The following PDE1A variants were observed in gnomAD, a reference collection of about 807,000 sequenced individuals.
PDE1A encodes dual specificity calcium/calmodulin-dependent 3',5'-cyclic nucleotide phosphodiesterase 1A.
PDE1A carries 35 observed loss-of-function variants against 61.7 expected under a neutral mutation model. That is an observed-to-expected ratio of 0.57 (90% CI 0.43 to 0.75). The LOEUF (loss-of-function observed/expected upper bound fraction) is 0.75. PDE1A is among the 30% of genes least tolerant of loss of function. The pLI is 0.00. For synonymous variants in PDE1A, 232 were observed against 213.2 expected, an observed-to-expected ratio of 1.09 and a Z score of -0.77; for missense variants, 597 against 630.6, an observed-to-expected ratio of 0.95 and a Z score of 0.57.
Position 182,480,869 on chromosome 2 carries a change from G to A in PDE1A, c.101+41407C>T, listed in dbSNP as rs139256636. ...TATGCTTTAGGGAGGCTGCATTCAT[G>A]GAAGGGATATTTCCTCTCTTCCCTC... On this transcript the variant is annotated intron_variant, in intron 2 of 14. Transcript: ENST00000410103. 1.5e-3 allele frequency among the ~76,000 whole-genome samples: 232 copies of A among 151,990 alleles called. 1 individual carries two copies. Among genetic ancestry groups the A allele is most frequent in the African/African-American group, 5.4e-3 (226 of 41,528 alleles).
intron 1 of PDE1A, among the ~76,000 whole-genome samples, chr2:182,317,252 C>CT (rs34087191): frequency 0.015 from 2,174 of 142,586 alleles, 37 homozygotes; most frequent in African/African-American, 0.041. Context: ...TTCTCACAAA[C>CT]TTTTTTTTTT....
At chr2:182,361,769 G>A (rs556144254) in intron 1 of PDE1A, among the ~76,000 whole-genome samples, 1 of 151,874 alleles carries the variant, frequency 6.6e-6, no homozygotes, top group East Asian at 1.9e-4. Context: ...CACTTTTTTC[G>A]CACTTTTTAT....
chr2:182,522,700 A>C (rs1690643739), exon 1 of PDE1A: 836 of 1,062,440 alleles, frequency 7.9e-4, no homozygotes, highest in Middle Eastern at 1.3e-3. Flanking sequence ...AAAGCAGCTC[A>C]TCTGTTACTG....
chr2:182,263,551 G>A (rs1692383473), intron 2 of PDE1A, among the ~76,000 whole-genome samples: 1 of 152,078 alleles, frequency 6.6e-6, no homozygotes, highest in South Asian at 2.1e-4. Context: ...GGAAATGCAT[G>A]CCTCTCTCCC....
chr2:182,172,085 AC>A, intron 13 of PDE1A, among the ~76,000 whole-genome samples: 1 of 152,142 alleles, frequency 6.6e-6, no homozygotes, highest in Non-Finnish European at 1.5e-5. Context: ...AACAACCCTT[AC>A]ATTTAGTTTG....
At chr2:182,336,310 C>T (rs151203671) in intron 1 of PDE1A, among the ~76,000 whole-genome samples, 29 of 152,270 alleles carry the variant, frequency 1.9e-4, no homozygotes, top group African/African-American at 6.3e-4. Flanking sequence ...TATAAAGACA[C>T]ATGCACACAT....
chr2:182,199,101 A>G (rs1405030702), intron 10 of PDE1A, among the ~76,000 whole-genome samples: 1 of 151,958 alleles, frequency 6.6e-6, no homozygotes, highest in Admixed American at 6.6e-5. Context: ...AAAAATTTTG[A>G]CAATTTCATC....
At chr2:182,264,540 G>A in intron 1 of PDE1A, 126 bp from the exon 2 acceptor site, 1 of 609,774 alleles carries the variant, frequency 1.6e-6, no homozygotes, top group Non-Finnish European at 2.8e-6. Context: ...TCAACAAATA[G>A]CATTATTTTC....
chr2:182,181,733 T>C (rs1684775078), intron 13 of PDE1A, among the ~76,000 whole-genome samples: 1 of 152,170 alleles, frequency 6.6e-6, no homozygotes, highest in Admixed American at 6.6e-5. Flanking sequence ...TGTAAGCCCC[T>C]GACTGGAGCT....
chr2:182,689,002 A>T, the PDE1A span, among the ~76,000 whole-genome samples: 2 of 152,216 alleles, frequency 1.3e-5, no homozygotes, highest in African/African-American at 4.8e-5. Flanking sequence ...TATGCACCCA[A>T]TACAGGAGCA....
At chr2:182,697,883 G>A in the PDE1A span, among the ~76,000 whole-genome samples, 1 of 152,180 alleles carries the variant, frequency 6.6e-6, no homozygotes, top group Non-Finnish European at 1.5e-5. Flanking sequence ...GGGGAAAATA[G>A]ATGAGTGCTA....
the PDE1A span, among the ~76,000 whole-genome samples, chr2:182,632,129 A>C: frequency 1.3e-5 from 2 of 152,184 alleles, no homozygotes; most frequent in Non-Finnish European, 2.9e-5. Context: ...GAAAACCTTT[A>C]GGATACATAA....
chr2:182,186,205 C>G, intron 12 of PDE1A, 126 bp from the exon 13 acceptor site: 2 of 974,490 alleles, frequency 2.1e-6, no homozygotes, highest in Admixed American at 2.8e-5. Context: ...CAGTTCTGAG[C>G]ACGTGGCAGC....
chr2:182,430,588 C>G (rs1463102710), upstream of PDE1A, among the ~76,000 whole-genome samples: 1 of 73,434 alleles, frequency 1.4e-5, no homozygotes. Context: ...ACCATTTGAC[C>G]CAGCCATCCC....
chr2:182,172,696 T>C (rs1479073276), intron 13 of PDE1A, among the ~76,000 whole-genome samples: 1 of 152,022 alleles, frequency 6.6e-6, no homozygotes, highest in African/African-American at 2.4e-5. Flanking sequence ...ACAGCTATGT[T>C]TATAAAACTA....
intron 1 of PDE1A, among the ~76,000 whole-genome samples, chr2:182,318,183 G>T (rs1696466713): frequency 6.6e-6 from 1 of 151,970 alleles, no homozygotes; most frequent in African/African-American, 2.4e-5. Context: ...GACTTAATAT[G>T]TCCCCTCAAT....
chr2:182,537,449 G>A, the PDE1A span, among the ~76,000 whole-genome samples: 1 of 152,066 alleles, frequency 6.6e-6, no homozygotes, highest in Admixed American at 6.5e-5. Flanking sequence ...GTTGAACAAT[G>A]AGAACATATG....
chr2:182,414,315 C>A (rs1475233261), intron 1 of PDE1A, among the ~76,000 whole-genome samples: 1 of 152,104 alleles, frequency 6.6e-6, no homozygotes, highest in Non-Finnish European at 1.5e-5. Context: ...GAAGATATCA[C>A]CTAAGCATTC....
chr2:182,626,985 G>C, the PDE1A span, among the ~76,000 whole-genome samples: 1 of 10,704 alleles, frequency 9.3e-5, no homozygotes, highest in African/African-American at 4.1e-4. Flanking sequence ...AAAAACCAAA[G>C]GACAAATGTC....
Sources: allele counts gnomAD v4.1 joint callset (sites outside exome capture counted in the v4.1 genomes callset), GRCh38; gene constraint gnomAD v4.1.1; transcripts MANE v1.5; gene names NCBI Gene and HGNC (gene_info 2026-07-23, HGNC 2026-07-21).